Variants in LDLRAD4 observed in about 807,000 individuals in gnomAD.
LDLRAD4 encodes the protein low density lipoprotein receptor class A domain containing 4.
LDLRAD4 carries 5 observed loss-of-function variants against 17.0 expected under a neutral mutation model. The observed-to-expected ratio is 0.29, with a 90% CI of 0.15 to 0.62. The LOEUF is 0.62. LDLRAD4 is among the 20% of genes least tolerant of loss of function. The pLI, the probability that LDLRAD4 is intolerant of heterozygous loss-of-function variation, is 0.84. For missense variants in LDLRAD4, 340 were observed against 424.7 expected, an observed-to-expected ratio of 0.80 and a Z score of 1.75; for synonymous variants, 168 against 171.8, an observed-to-expected ratio of 0.98 and a Z score of 0.17.
intron 2 of LDLRAD4, among the ~76,000 whole-genome samples, chr18:13,430,080 C>G (rs962355306): frequency 7.2e-5 from 11 of 152,144 alleles, no homozygotes; most frequent in Non-Finnish European, 1.0e-4. Flanking sequence ...GAATGAGGGA[C>G]TGACCAGAGG....
intron 3 of LDLRAD4, chr18:13,465,070 G>C (rs2092568986): frequency 6.6e-6 from 1 of 152,226 alleles, no homozygotes; most frequent in Admixed American, 6.5e-5. Flanking sequence ...CTAAATGGGG[G>C]CCTCTCCAGG....
chr18:13,266,168 C>T (rs566454591), intron 1 of LDLRAD4, among the ~76,000 whole-genome samples: 12 of 152,298 alleles, frequency 7.9e-5, no homozygotes, highest in African/African-American at 2.2e-4. Context: ...GAGTAGCACT[C>T]GCCCAGACCT....
chr18:13,295,884 G>A (rs930169734), intron 1 of LDLRAD4, among the ~76,000 whole-genome samples: 3 of 152,250 alleles, frequency 2.0e-5, no homozygotes, highest in African/African-American at 4.8e-5. Flanking sequence ...AGGACTGTGT[G>A]CTGAGGAAGG....
At chr18:13,389,173 C>A (rs1339685342) in intron 2 of LDLRAD4, among the ~76,000 whole-genome samples, 1 of 152,232 alleles carries the variant, frequency 6.6e-6, no homozygotes, top group East Asian at 1.9e-4. Flanking sequence ...TGTCTAGAAA[C>A]CCTGTCCTTC....
intron 3 of LDLRAD4, among the ~76,000 whole-genome samples, chr18:13,554,788 C>T (rs1217500848): frequency 6.6e-6 from 1 of 152,168 alleles, no homozygotes; most frequent in Admixed American, 6.5e-5. Flanking sequence ...TATGTAGACA[C>T]TCTGCCCTCA....
At chr18:13,338,948 ACTT>A (rs766153194) in intron 1 of LDLRAD4, among the ~76,000 whole-genome samples, 1 of 152,160 alleles carries the variant, frequency 6.6e-6, no homozygotes, top group Non-Finnish European at 1.5e-5. Context: ...GGAAAAGACA[ACTT>A]CTTTTTAAAA....
At chr18:13,392,681 A>G (rs1034341997) in intron 2 of LDLRAD4, among the ~76,000 whole-genome samples, 6 of 152,294 alleles carry the variant, frequency 3.9e-5, no homozygotes, top group African/African-American at 9.6e-5. Context: ...TTCCCGGCCC[A>G]TGGTACCACC....
chr18:13,503,063 T>G (rs1253977366), intron 3 of LDLRAD4, among the ~76,000 whole-genome samples: 1 of 152,260 alleles, frequency 6.6e-6, no homozygotes, highest in African/African-American at 2.4e-5. Flanking sequence ...ATTCCAAGTT[T>G]CGACTGCATG....
At chr18:13,513,983 T>C (rs1026245071) in intron 3 of LDLRAD4, among the ~76,000 whole-genome samples, 9 of 152,240 alleles carry the variant, frequency 5.9e-5, no homozygotes, top group Middle Eastern at 3.2e-3. Flanking sequence ...TTCAGGGAAC[T>C]GGGGTGCTGG....
In LDLRAD4 at chr18:13,395,203, A is replaced by G. The variant is rs74482571; in HGVS notation, c.40+7441A>G. On this transcript the variant is annotated intron_variant, in intron 2 of 5. Coordinates refer to ENST00000359446, the Ensembl canonical transcript of LDLRAD4. Reference sequence around the variant, plus strand: ...CTGTATAAAGATTAAGTGAAATAACATTTGTAAAGTACCAAAACACAGTCT... The same window carrying G: ...CTGTATAAAGATTAAGTGAAATAACGTTTGTAAAGTACCAAAACACAGTCT... 8.7e-3 allele frequency among the ~76,000 whole-genome samples: 1,329 copies of G among 151,966 alleles called. 19 individuals are homozygous for G. The highest frequency in any genetic ancestry group is 0.029 in the African/African-American group (1,204 of 41,398).
At chr18:13,499,158 G>GTA (rs2093560054) in intron 3 of LDLRAD4, among the ~76,000 whole-genome samples, 1 of 130,214 alleles carries the variant, frequency 7.7e-6, no homozygotes. Context: ...TCACACACAC[G>GTA]TCGCGCCGTG....
chr18:13,616,577 C>A (rs1310371016), intron 3 of LDLRAD4, among the ~76,000 whole-genome samples: 3 of 152,236 alleles, frequency 2.0e-5, no homozygotes, highest in African/African-American at 7.2e-5. Context: ...CCGCACCAGA[C>A]CCTGACGCCC....
At chr18:13,605,012 C>T (rs1172122588) in intron 3 of LDLRAD4, among the ~76,000 whole-genome samples, 1 of 152,178 alleles carries the variant, frequency 6.6e-6, no homozygotes, top group Non-Finnish European at 1.5e-5. Flanking sequence ...GAGGCGGGGA[C>T]AGAGAGAAAG....
intron 1 of LDLRAD4, among the ~76,000 whole-genome samples, chr18:13,220,406 C>T (rs1459655961): frequency 6.6e-6 from 1 of 152,158 alleles, no homozygotes. Flanking sequence ...GAAGACTCTT[C>T]CCGGCAGGTT....
intron 3 of LDLRAD4, among the ~76,000 whole-genome samples, chr18:13,573,837 C>T (rs890511803): frequency 2.6e-5 from 4 of 152,094 alleles, no homozygotes; most frequent in Non-Finnish European, 4.4e-5. Context: ...GTGGTGAAGC[C>T]GAGACCACAG....
intron 3 of LDLRAD4, among the ~76,000 whole-genome samples, chr18:13,601,024 A>G (rs1456345886): frequency 6.6e-6 from 1 of 152,184 alleles, no homozygotes; most frequent in Non-Finnish European, 1.5e-5. Flanking sequence ...TCAGGCCTTT[A>G]GGGAGGATGG....
chr18:13,643,438 TGCGGGGGGCGGGGGGGGTGG>T, intron 5 of LDLRAD4, 26 bp downstream of exon 6: 1 of 146,412 alleles, frequency 6.8e-6, no homozygotes, highest in Non-Finnish European at 1.1e-5. Context: ...AGGTGATGGC[TGCGGGGGGCGGGGGGGGTGG>T]GTGGGGATGA....
chr18:13,507,270 C>T (rs541012557), intron 3 of LDLRAD4, among the ~76,000 whole-genome samples: 67 of 152,188 alleles, frequency 4.4e-4, no homozygotes, highest in African/African-American at 1.3e-3. Context: ...ACCCATCACC[C>T]GAGCAGTGTA....
intron 2 of LDLRAD4, among the ~76,000 whole-genome samples, chr18:13,424,271 A>T (rs2089743563): frequency 6.6e-6 from 1 of 152,180 alleles, no homozygotes. Context: ...TACACGACTA[A>T]TGGGCCCTCT....
Sources: gnomAD v4.1 joint callset for allele counts (sites outside exome capture counted in the v4.1 genomes callset) on GRCh38, gnomAD v4.1.1 for gene constraint, MANE v1.5 for transcripts, NCBI Gene and HGNC (gene_info 2026-07-23, HGNC 2026-07-21) for gene names.